PPARG: variants seen among roughly 807,000 people sequenced by gnomAD.
PPARG encodes the protein peroxisome proliferator-activated receptor gamma.
PPARG carries 17 observed loss-of-function variants against 39.2 expected under a neutral mutation model. That is an observed-to-expected ratio of 0.43 (90% confidence interval 0.30 to 0.65). PPARG has a LOEUF of 0.65. Among genes scored for constraint, PPARG ranks in the 30% least tolerant of loss-of-function variants. The pLI, the probability that PPARG is intolerant of heterozygous loss-of-function variation, is 0.13. For missense variants in PPARG, 406 were observed against 585.9 expected, an observed-to-expected ratio of 0.69 and a Z score of 3.17; for synonymous variants, 223 against 215.7, an observed-to-expected ratio of 1.03 and a Z score of -0.30.
chr3:12,293,002 G>A (rs1054565788), intron 1 of PPARG, among the ~76,000 whole-genome samples: 1 of 152,236 alleles, frequency 6.6e-6, no homozygotes, highest in African/African-American at 2.4e-5. Flanking sequence ...TGGGCTGAGT[G>A]TCCCTGTCCG....
At chr3:12,379,635 T>C in intron 2 of PPARG, 69 bp from the exon 3 acceptor site, 1 of 1,417,772 alleles carries the variant, frequency 7.1e-7, no homozygotes, top group Admixed American at 1.7e-5. Context: ...CATTTCTCTT[T>C]CTGAAACTCT....
intron 5 of PPARG, among the ~76,000 whole-genome samples, chr3:12,399,183 CAG>C (rs2050375943): frequency 6.6e-6 from 1 of 152,156 alleles, no homozygotes; most frequent in Non-Finnish European, 1.5e-5. Context: ...TTCAGGGAAT[CAG>C]AGATTGAGTT....
chr3:12,401,114 T>A (rs541353338), intron 5 of PPARG, among the ~76,000 whole-genome samples: 6 of 152,178 alleles, frequency 3.9e-5, no homozygotes, highest in African/African-American at 1.4e-4. Context: ...TGACCCCCAA[T>A]GCAGAATGTT....
intron 5 of PPARG, among the ~76,000 whole-genome samples, chr3:12,404,969 G>A (rs4135278): frequency 0.013 from 1,998 of 152,326 alleles, 54 homozygotes; most frequent in African/African-American, 0.046. Context: ...CACATCGTGA[G>A]TGTAAGAACA....
rs58459306 is a variant in PPARG at position 12,415,050 on chromosome 3, C to T, written c.730-1654C>T. Among the ~76,000 whole-genome samples the T allele has an allele frequency of 1.6e-3, 243 of 152,318 alleles. 1 individual carries two copies. The highest frequency in any genetic ancestry group is 5.6e-3 in the African/African-American group (232 of 41,568). On this transcript the variant is annotated intron_variant, in intron 6 of 7. Transcript: ENST00000651735. ...AGAGTTCCATAGATATGAATAGAAT[C>T]TCCAACCAGTGCATCTTGAAGCCGG...
chr3:12,300,163 A>G (rs2046891407), intron 1 of PPARG, among the ~76,000 whole-genome samples: 2 of 152,204 alleles, frequency 1.3e-5, no homozygotes, highest in South Asian at 2.1e-4. Context: ...GTAACTCAAT[A>G]CAGATGTAAC....
intron 2 of PPARG, among the ~76,000 whole-genome samples, chr3:12,364,981 C>T (rs1403867887): frequency 6.6e-6 from 1 of 152,138 alleles, no homozygotes; most frequent in East Asian, 1.9e-4. Context: ...CACCAGGGAC[C>T]AGTTTCATGG....
intron 2 of PPARG, among the ~76,000 whole-genome samples, chr3:12,317,872 T>C (rs2047431538): frequency 6.6e-6 from 1 of 152,228 alleles, no homozygotes; most frequent in Admixed American, 6.5e-5. Flanking sequence ...TTTAAATGAA[T>C]TATCATTTAC....
At chr3:12,294,645 A>G (rs1045414953) in intron 1 of PPARG, among the ~76,000 whole-genome samples, 1 of 152,350 alleles carries the variant, frequency 6.6e-6, no homozygotes, top group Admixed American at 6.5e-5. Context: ...CTGTAATCCC[A>G]GCACTTTGGG....
rs536872110 is a variant in PPARG, at chr3:12,417,294, G to A, written c.1180+140G>A. On this transcript the variant is annotated intron_variant, in intron 7 of 7. Coordinates refer to ENST00000651735, the MANE Select transcript of PPARG (RefSeq NM_138711.6). ...ATGATGCCATGAATCATCACTACACGTGCAAAACACTGTACCAAGAAAGAG... is the reference window on the plus strand; with the variant it reads ...ATGATGCCATGAATCATCACTACACATGCAAAACACTGTACCAAGAAAGAG... 156 of 881,466 alleles carry A rather than the reference G, an allele frequency of 1.8e-4. No homozygotes were observed. The South Asian group carries it at 2.0e-3, about 11-fold the overall frequency. 54.6% of individuals were successfully genotyped at this position (881,466 alleles called of 1,614,324 possible).
At chr3:12,408,567 C>CTTTTTTTTTTT (rs397945616) in intron 6 of PPARG, among the ~76,000 whole-genome samples, 39 of 113,222 alleles carry the variant, frequency 3.4e-4, no homozygotes, top group Middle Eastern at 4.1e-3. Flanking sequence ...CTTTTCTTTT[C>CTTTTTTTTTTT]TTTTTTTTTT....
chr3:12,328,861 A>G (rs868088215), intron 2 of PPARG, among the ~76,000 whole-genome samples: 3 of 152,236 alleles, frequency 2.0e-5, no homozygotes, highest in African/African-American at 7.2e-5. Context: ...CAGTCCCTGG[A>G]TGGCAGTCTG....
chr3:12,345,269 C>T (rs1338967071), intron 2 of PPARG, among the ~76,000 whole-genome samples: 3 of 152,110 alleles, frequency 2.0e-5, no homozygotes, highest in Non-Finnish European at 4.4e-5. Flanking sequence ...CAAAATGACT[C>T]CGTGAACTGA....
At chr3:12,345,412 T>C (rs1406658754) in intron 2 of PPARG, among the ~76,000 whole-genome samples, 1 of 152,222 alleles carries the variant, frequency 6.6e-6, no homozygotes, top group Non-Finnish European at 1.5e-5. Flanking sequence ...TGATTCATCA[T>C]AGAAAAATGC....
Position 12,328,216 on chromosome 3 carries a change from G to C in PPARG, c.-9+15763G>C, listed in dbSNP as rs148247026. 3 of 1,500,212 alleles carry C rather than the reference G, an allele frequency of 2.0e-6. No homozygotes were observed. In the East Asian group the frequency reaches 7.0e-5, roughly 35 times the overall value. 92.9% of individuals were successfully genotyped at this position (1,500,212 alleles called of 1,614,324 possible). ...GAACAGAAAAAGTCCTACCTGGAGC[G>C]GAGCGTTAAGGAAGCTGAGAACAAC... On this transcript the variant is annotated intron_variant, in intron 2 of 7. Transcript: ENST00000651735.
chr3:12,332,434 A>G (rs2047888177), intron 2 of PPARG, among the ~76,000 whole-genome samples: 1 of 152,250 alleles, frequency 6.6e-6, no homozygotes, highest in Non-Finnish European at 1.5e-5. Flanking sequence ...TTTTAAAAAT[A>G]AATAACTTTT....
chr3:12,311,689 G>A (rs996383499), intron 1 of PPARG, among the ~76,000 whole-genome samples: 3 of 152,126 alleles, frequency 2.0e-5, no homozygotes, highest in African/African-American at 7.2e-5. Context: ...ATTAGATGCT[G>A]TTTTGTCTTC....
chr3:12,298,223 C>T (rs13095372), intron 1 of PPARG, among the ~76,000 whole-genome samples: 23 of 138,286 alleles, frequency 1.7e-4, no homozygotes, highest in East Asian at 6.2e-4. Flanking sequence ...GGCGTGAACC[C>T]GGGAGGCAGA....
At chr3:12,390,636 C>CTTTTTTTTTTTTT (rs1382187854) in intron 4 of PPARG, among the ~76,000 whole-genome samples, 1 of 69,186 alleles carries the variant, frequency 1.4e-5, no homozygotes, top group East Asian at 3.6e-4. Context: ...GTATTTTCTT[C>CTTTTTTTTTTTTT]CTTTTTTTTT....
Sources: gnomAD v4.1 joint callset for allele counts (sites outside exome capture counted in the v4.1 genomes callset) on GRCh38, gnomAD v4.1.1 for gene constraint, MANE v1.5 for transcripts, NCBI Gene and HGNC (gene_info 2026-07-23, HGNC 2026-07-21) for gene names.